The following CNOT4 variants were observed in gnomAD, a reference collection of about 807,000 sequenced individuals.
CNOT4 encodes CCR4-associated factor 4.
In CNOT4, 8 loss-of-function variants were observed where a neutral mutation model predicts 73.8. That is an observed-to-expected ratio of 0.11 (90% CI 0.06 to 0.20). The LOEUF (loss-of-function observed/expected upper bound fraction) is 0.20, where lower values mean the gene tolerates loss of function less well. Ranked by LOEUF, CNOT4 falls within the 10% of genes least tolerant of loss-of-function variation. The pLI is 1.00. For missense variants in CNOT4, 564 were observed against 883.4 expected (o/e 0.64, Z 4.58); for synonymous variants, 293 against 321.1 (o/e 0.91, Z 0.94).
rs565415079 is a variant in CNOT4, at chr7:135,424,547, G to A, written c.175-2194C>T. 3.5e-4 allele frequency among the ~76,000 whole-genome samples: 54 copies of A among 152,222 alleles called. 1 individual carries two copies. The highest frequency in any genetic ancestry group is 1.3e-3 in the African/African-American group (54 of 41,542). The stretch of plus-strand genomic sequence containing the variant: ...CGCCTGTAATTCCAGCACTTTGGGA[G>A]GCTGAGGTGGGTAGATCACTCGAGG... On this transcript the variant is annotated intron_variant, in intron 2 of 11. Transcript: ENST00000541284.
At chr7:135,485,792 T>C (rs1324174672) in intron 1 of CNOT4, among the ~76,000 whole-genome samples, 1 of 152,138 alleles carries the variant, frequency 6.6e-6, no homozygotes, top group Non-Finnish European at 1.5e-5. Context: ...CCAAATGTTA[T>C]CACACACTTA....
At chr7:135,503,043 C>G (rs1408109274) in intron 1 of CNOT4, among the ~76,000 whole-genome samples, 1 of 151,720 alleles carries the variant, frequency 6.6e-6, no homozygotes, top group Non-Finnish European at 1.5e-5. Flanking sequence ...GTTCTAGCTA[C>G]TTGGGAGACT....
At chr7:135,402,674 A>G (rs1797063589) in intron 7 of CNOT4, among the ~76,000 whole-genome samples, 1 of 152,208 alleles carries the variant, frequency 6.6e-6, no homozygotes, top group Non-Finnish European at 1.5e-5. Flanking sequence ...AGATTTCACA[A>G]GTAGAAGAAA....
chr7:135,366,640 C>A (rs970031607), intron 10 of CNOT4, among the ~76,000 whole-genome samples: 8 of 152,294 alleles, frequency 5.3e-5, no homozygotes, highest in African/African-American at 1.7e-4. Context: ...TGTGCCTTGA[C>A]ATTTTGGGAG....
intron 1 of CNOT4, among the ~76,000 whole-genome samples, chr7:135,441,616 G>C (rs1335285870): frequency 6.6e-6 from 1 of 152,064 alleles, no homozygotes; most frequent in South Asian, 2.1e-4. Context: ...TAATACCTTT[G>C]ATTCTAAGAT....
chr7:135,423,361 A>C (rs538037723), intron 2 of CNOT4, among the ~76,000 whole-genome samples: 20 of 139,386 alleles, frequency 1.4e-4, no homozygotes, highest in African/African-American at 5.3e-4. Flanking sequence ...ATGCCAAACC[A>C]AAAAAAAAAA....
At chr7:135,489,671 C>T (rs902751455) in intron 1 of CNOT4, among the ~76,000 whole-genome samples, 3 of 152,104 alleles carry the variant, frequency 2.0e-5, no homozygotes, top group Non-Finnish European at 2.9e-5. Context: ...GCTGGGATTA[C>T]AGGCATGAGC....
rs192111544 is a variant in CNOT4 at position 135,486,176 on chromosome 7, T to C, written c.-93+23713A>G. Among the ~76,000 whole-genome samples the C allele has an allele frequency of 6.0e-5, 9 of 150,836 alleles. No homozygotes were observed. In the East Asian group the frequency reaches 1.8e-3, roughly 29 times the overall value. On this transcript the variant is annotated intron_variant, in intron 1 of 11. Transcript: ENST00000541284. Reference sequence around the variant, plus strand: ...TAAAATGAAAGAGAAGAAAATGAGATATCTAGAAAAGTCTCAAGAGATTAA... The same window carrying C: ...TAAAATGAAAGAGAAGAAAATGAGACATCTAGAAAAGTCTCAAGAGATTAA...
At chr7:135,428,572 A>G (rs1283023604) in intron 2 of CNOT4, among the ~76,000 whole-genome samples, 2 of 152,232 alleles carry the variant, frequency 1.3e-5, no homozygotes, top group Non-Finnish European at 2.9e-5. Flanking sequence ...CCAATAGTTA[A>G]AAACTCAACA....
chr7:135,362,247 C>T lies in CNOT4; in HGVS notation c.*638G>A, dbSNP rs1477963004. 6.5e-6 allele frequency: 1 copy of T among 154,320 alleles called. No homozygotes were observed. The allele number at this position is 154,320 out of a possible 1,614,324, so 9.6% of individuals were successfully genotyped here. ...ATTACTTCTCACCTCCTTATGAACT[C>T]TTTAGCAATCGGCCAGTTACTACTA... On this transcript the variant is annotated 3_prime_UTR_variant, in exon 12 of 12. Coordinates refer to ENST00000541284, the MANE Select transcript of CNOT4 (RefSeq NM_001190850.2).
chr7:135,425,711 TAA>T (rs1798453859), intron 2 of CNOT4, among the ~76,000 whole-genome samples: 1 of 152,128 alleles, frequency 6.6e-6, no homozygotes, highest in Non-Finnish European at 1.5e-5. Context: ...CTGAAAAATA[TAA>T]AATATGCTAA....
intron 10 of CNOT4, among the ~76,000 whole-genome samples, chr7:135,372,593 G>A (rs976047559): frequency 4.1e-5 from 6 of 145,120 alleles, no homozygotes; most frequent in African/African-American, 2.6e-5. Context: ...GTCTCGCTGC[G>A]TCGCTCAGCC....
chr7:135,428,278 C>G (rs966586321), intron 2 of CNOT4, among the ~76,000 whole-genome samples: 3 of 152,120 alleles, frequency 2.0e-5, no homozygotes, highest in Non-Finnish European at 4.4e-5. Flanking sequence ...CACACTAGTC[C>G]TTGGGGAACC....
At chr7:135,392,028 T>C (rs1346410582) in intron 10 of CNOT4, among the ~76,000 whole-genome samples, 1 of 152,060 alleles carries the variant, frequency 6.6e-6, no homozygotes, top group African/African-American at 2.4e-5. Flanking sequence ...TACTTCTCAG[T>C]GTAATGACAT....
intron 1 of CNOT4, among the ~76,000 whole-genome samples, chr7:135,506,639 G>A (rs1204021478): frequency 2.6e-5 from 4 of 151,992 alleles, no homozygotes; most frequent in Non-Finnish European, 5.9e-5. Flanking sequence ...CACGAGGTCA[G>A]GAGTTCAAGA....
intron 2 of CNOT4, among the ~76,000 whole-genome samples, chr7:135,428,461 T>C (rs1046769501): frequency 1.3e-5 from 2 of 152,062 alleles, no homozygotes; most frequent in African/African-American, 4.8e-5. Flanking sequence ...TTAAAAAATA[T>C]ATAACCTTGA....
intron 1 of CNOT4, among the ~76,000 whole-genome samples, chr7:135,448,162 G>A (rs1052099704): frequency 6.6e-6 from 1 of 152,112 alleles, no homozygotes; most frequent in South Asian, 2.1e-4. Flanking sequence ...CCCTGGAAAC[G>A]AGCAGGGGGT....
At chr7:135,418,745 C>A (rs1798012362) in intron 3 of CNOT4, among the ~76,000 whole-genome samples, 1 of 152,100 alleles carries the variant, frequency 6.6e-6, no homozygotes, top group Admixed American at 6.6e-5. Context: ...ATACCCAGGG[C>A]ACTCTTCTTT....
chr7:135,414,351 C>T lies in CNOT4; in HGVS notation c.541G>A (p.Val181Ile). 2 of 1,408,666 alleles carry T rather than the reference C, an allele frequency of 1.4e-6. No individual in the cohort carries two copies. The highest frequency in any genetic ancestry group is 2.0e-6 in the Non-Finnish European group (2 of 997,630). 87.3% of individuals were successfully genotyped at this position (1,408,666 alleles called of 1,614,324 possible). A position where few individuals can be genotyped will look rare whatever the true frequency, so the allele number is the denominator to read the frequency against. ...RAIQCVNNVV[V>I]DGRTLKASLG... The stretch of plus-strand genomic sequence containing the variant: ...ATTACCTTAAGTGTTCTGCCATCTA[C>T]TACCACATTGTTGACACACTGTATG... Residue 181 changes from valine (V) to isoleucine (I), a missense_variant, in exon 5 of 12, where the codon GTA becomes ATA. Physicochemically the swap from Val to Ile is conservative, Grantham distance 29. Coordinates refer to ENST00000541284, the MANE Select transcript of CNOT4 (RefSeq NM_001190850.2).
Sources: allele counts gnomAD v4.1 joint callset (sites outside exome capture counted in the v4.1 genomes callset), GRCh38; gene constraint gnomAD v4.1.1; transcripts MANE v1.5; gene names NCBI Gene and HGNC (gene_info 2026-07-23, HGNC 2026-07-21).